Variants in PCDH15 observed in about 807,000 individuals in gnomAD.
PCDH15 encodes the protein protocadherin-15.
In PCDH15, 129 loss-of-function variants were observed where a neutral mutation model predicts 178.5. That is an observed-to-expected ratio of 0.72 (90% confidence interval 0.63 to 0.84). PCDH15 has a LOEUF of 0.84. PCDH15 is among the 40% of genes least tolerant of loss of function. The pLI is 0.00. For missense variants in PCDH15, 2,230 were observed against 2,099.9 expected (o/e 1.06, Z -1.21); for synonymous variants, 800 against 732.0 (o/e 1.09, Z -1.50).
At chr10:54,258,687 A>G (rs1313766000) in intron 8 of PCDH15, among the ~76,000 whole-genome samples, 2 of 152,222 alleles carry the variant, frequency 1.3e-5, no homozygotes, top group Non-Finnish European at 2.9e-5. Flanking sequence ...AATAAAAATA[A>G]AATCATTTGA....
At chr10:54,297,488 A>C (rs558690547) in intron 8 of PCDH15, among the ~76,000 whole-genome samples, 3 of 152,182 alleles carry the variant, frequency 2.0e-5, no homozygotes, top group Non-Finnish European at 2.9e-5. Flanking sequence ...GAGAATCCAC[A>C]ACTATGCAAA....
intron 18 of PCDH15, among the ~76,000 whole-genome samples, chr10:54,063,635 T>C (rs2094076483): frequency 6.6e-6 from 1 of 152,150 alleles, no homozygotes; most frequent in Non-Finnish European, 1.5e-5. Context: ...ACTAGCTGTG[T>C]TTGTATCACC....
intron 3 of PCDH15, among the ~76,000 whole-genome samples, chr10:54,875,564 T>A (rs910703149): frequency 6.6e-6 from 1 of 152,160 alleles, no homozygotes; most frequent in Non-Finnish European, 1.5e-5. Flanking sequence ...TAAAGGAAAT[T>A]CAAAGTGTTA....
At chr10:54,074,899 A>T (rs896321802) in intron 17 of PCDH15, among the ~76,000 whole-genome samples, 9 of 151,954 alleles carry the variant, frequency 5.9e-5, no homozygotes, top group Non-Finnish European at 1.0e-4. Flanking sequence ...TTTGTTTTTT[A>T]TAATAGCGTC....
chr10:55,610,492 C>A (rs1843344283), intron 2 of PCDH15, among the ~76,000 whole-genome samples: 1 of 151,912 alleles, frequency 6.6e-6, no homozygotes, highest in Admixed American at 6.6e-5. Context: ...AGTGTTAAAA[C>A]TGGAAGAAAT....
intron 2 of PCDH15, among the ~76,000 whole-genome samples, chr10:54,997,560 A>G (rs1040059886): frequency 3.3e-5 from 5 of 152,224 alleles, no homozygotes; most frequent in African/African-American, 7.2e-5. Flanking sequence ...CTATAAAACT[A>G]TAAAAGCAAC....
At chr10:55,172,987 G>A (rs1839380314) in intron 1 of PCDH15, among the ~76,000 whole-genome samples, 1 of 151,934 alleles carries the variant, frequency 6.6e-6, no homozygotes, top group Non-Finnish European at 1.5e-5. Context: ...CAAGTCAGCT[G>A]AATCATATTG....
chr10:54,278,592 A>C (rs2058483478), intron 8 of PCDH15, among the ~76,000 whole-genome samples: 1 of 151,532 alleles, frequency 6.6e-6, no homozygotes, highest in Non-Finnish European at 1.5e-5. Flanking sequence ...AATAGAACCC[A>C]GTGACCCAAC....
At chr10:55,408,571 C>A (rs560433749) in intron 2 of PCDH15, among the ~76,000 whole-genome samples, 65 of 152,120 alleles carry the variant, frequency 4.3e-4, no homozygotes, top group African/African-American at 1.6e-3. Context: ...ATTTGAGAAG[C>A]CCAAATCAAA....
intron 1 of PCDH15, among the ~76,000 whole-genome samples, chr10:55,262,537 TG>T (rs1842172886): frequency 6.6e-6 from 1 of 151,966 alleles, no homozygotes; most frequent in Admixed American, 6.6e-5. Context: ...AACACATCGG[TG>T]GAAGAGTACA....
At chr10:54,127,009 G>T (rs12256750) in intron 15 of PCDH15, among the ~76,000 whole-genome samples, 4,473 of 152,158 alleles carry the variant, frequency 0.029, 238 homozygotes, top group African/African-American at 0.1. Context: ...TATTTTAAAA[G>T]CAATACGGAC....
At position 54,752,846 on chromosome 10, in the gene PCDH15, C is replaced by T. The variant is rs537839425; in HGVS notation, c.-29+48079G>A. ...ATACATGGAGCCACAGGAAGAGTAA[C>T]GCATAGTGTGGCCATCTAAAACAGG... is the stretch of plus-strand genomic sequence containing the variant. On this transcript the variant is annotated intron_variant, in intron 1 of 37. Coordinates refer to ENST00000644397, the MANE Select transcript of PCDH15 (RefSeq NM_001384140.1). Among the ~76,000 whole-genome samples the T allele has an allele frequency of 2.6e-5, 4 of 152,110 alleles. No individual in the cohort carries two copies. The South Asian group carries it at 6.2e-4, about 24-fold the overall frequency.
intron 3 of PCDH15, among the ~76,000 whole-genome samples, chr10:54,862,560 G>A (rs1247812484): frequency 1.3e-5 from 2 of 152,176 alleles, no homozygotes. Context: ...GCATTGTTGG[G>A]AGGTAGGGTC....
At position 54,924,071 on chromosome 10, in the gene PCDH15, C is replaced by T. The variant is rs555267273; in HGVS notation, c.-79-26571G>A. 9.4e-5 allele frequency among the ~76,000 whole-genome samples: 13 copies of T among 138,248 alleles called. 2 individuals carry two copies. Among genetic ancestry groups the T allele is most frequent in the African/African-American group, 3.2e-4 (13 of 40,110 alleles). The allele number at this position is 138,248 out of a possible 152,430, so 90.7% of individuals were successfully genotyped here. A position where few individuals can be genotyped will look rare whatever the true frequency, so the allele number is the denominator to read the frequency against. ...ACATATCTACAAGCTGTTCAGGTGA[C>T]ATGGCTGTGGAGGCCATAGGAAACT... On this transcript the variant is annotated intron_variant, in intron 2 of 5. Transcript: ENST00000458638.
Position 55,440,994 on chromosome 10 carries a change from C to T in PCDH15, c.-156+186631G>A, listed in dbSNP as rs116934037. ...TGCCCCCCATGATTCAATTATTTCC[C>T]ACTGGGTCCCTCCACACAACATATG... is the stretch of plus-strand genomic sequence containing the variant. On this transcript the variant is annotated intron_variant, in intron 2 of 5. Transcript: ENST00000613346. Among the ~76,000 whole-genome samples, 15 of 152,272 alleles carry T rather than the reference C, an allele frequency of 9.9e-5. No individual in the cohort carries two copies. The East Asian group carries it at 2.7e-3, about 27-fold the overall frequency.
At chr10:54,458,345 A>AT (rs1302349935) in intron 3 of PCDH15, among the ~76,000 whole-genome samples, 12 of 150,278 alleles carry the variant, frequency 8.0e-5, no homozygotes, top group African/African-American at 3.0e-4. Context: ...AACTTTAATC[A>AT]TTCTACATTG....
chr10:54,448,061 C>T (rs1278442841), intron 3 of PCDH15, among the ~76,000 whole-genome samples: 1 of 151,522 alleles, frequency 6.6e-6, no homozygotes, highest in Non-Finnish European at 1.5e-5. Flanking sequence ...AAAGTTTCTC[C>T]ACTCTAATAT....
chr10:54,278,759 G>A (rs2058496140), intron 8 of PCDH15, among the ~76,000 whole-genome samples: 1 of 151,454 alleles, frequency 6.6e-6, no homozygotes, highest in Non-Finnish European at 1.5e-5. Flanking sequence ...GTGGAGAATG[G>A]CAACATGCTA....
At chr10:54,893,054 T>C (rs189518202) in intron 3 of PCDH15, among the ~76,000 whole-genome samples, 1 of 152,196 alleles carries the variant, frequency 6.6e-6, no homozygotes, top group East Asian at 1.9e-4. Context: ...TCCAAAGATA[T>C]TGGAATTAGA....
Sources: allele counts gnomAD v4.1 joint callset (sites outside exome capture counted in the v4.1 genomes callset), GRCh38; gene constraint gnomAD v4.1.1; transcripts MANE v1.5; gene names NCBI Gene and HGNC (gene_info 2026-07-23, HGNC 2026-07-21).